Variants in PMFBP1 observed in about 807,000 individuals in gnomAD.
PMFBP1 encodes the protein polyamine modulated factor 1 binding protein 1, also known as polyamine-modulated factor 1-binding protein 1.
In PMFBP1, 131 loss-of-function variants were observed where a neutral mutation model predicts 137.8. That is an observed-to-expected ratio of 0.95 (90% CI 0.82 to 1.10). PMFBP1 has a LOEUF of 1.10. PMFBP1 is among the 50% of genes least tolerant of loss of function. The pLI, the probability that PMFBP1 is intolerant of heterozygous loss-of-function variation, is 0.00. For missense variants in PMFBP1, 1,199 were observed against 1,175.4 expected, an observed-to-expected ratio of 1.02 and a Z score of -0.29; for synonymous variants, 490 against 450.4, an observed-to-expected ratio of 1.09 and a Z score of -1.11.
chr16:72,164,400 C>T (rs2043112124), intron 3 of PMFBP1: 1 of 1,305,070 alleles, frequency 7.7e-7, no homozygotes, highest in Non-Finnish European at 1.0e-6. Flanking sequence ...TTTTTATTTT[C>T]ATGGTTGACT....
rs77683685 is a variant in PMFBP1 at position 72,137,756 on chromosome 16, A to G, written c.919-937T>C. Among the ~76,000 whole-genome samples, 3 of 152,248 alleles carry G rather than the reference A, an allele frequency of 2.0e-5. No homozygotes were observed. The South Asian group carries it at 6.2e-4, about 32-fold the overall frequency. On this transcript the variant is annotated intron_variant, in intron 7 of 20. Transcript: ENST00000237353. The stretch of plus-strand genomic sequence containing the variant: ...GCCTTCCTCACCAAGAGAAGGCAGG[A>G]ACATGTGGCTGGGGAGGAGCAATTC...
the PMFBP1 span, among the ~76,000 whole-genome samples, chr16:72,247,109 A>C: frequency 6.6e-6 from 1 of 152,242 alleles, no homozygotes. Flanking sequence ...AATGCCCTTC[A>C]TTAATGCCAT....
chr16:72,195,665 C>T, the PMFBP1 span, among the ~76,000 whole-genome samples: 4 of 152,376 alleles, frequency 2.6e-5, no homozygotes, highest in African/African-American at 9.6e-5. Context: ...GTAAATACTA[C>T]TACTCTCTTT....
chr16:72,231,758 T>C, the PMFBP1 span, among the ~76,000 whole-genome samples: 1 of 152,118 alleles, frequency 6.6e-6, no homozygotes. Context: ...TGCTGCAAAA[T>C]TTTCTAAGTG....
intron 19 of PMFBP1, among the ~76,000 whole-genome samples, chr16:72,121,272 C>T (rs756747653): frequency 2.0e-5 from 3 of 152,194 alleles, no homozygotes; most frequent in East Asian, 1.9e-4. Flanking sequence ...CCTCTTCCCC[C>T]GCCCAGTAGC....
At chr16:72,215,571 AAG>A in the PMFBP1 span, among the ~76,000 whole-genome samples, 1 of 152,316 alleles carries the variant, frequency 6.6e-6, no homozygotes, top group South Asian at 2.1e-4. Context: ...TATAAAGATG[AAG>A]AGTTTACTTG....
At chr16:72,226,380 T>G in the PMFBP1 span, among the ~76,000 whole-genome samples, 4 of 152,220 alleles carry the variant, frequency 2.6e-5, no homozygotes, top group East Asian at 7.7e-4. Flanking sequence ...GCCCTGGTTC[T>G]GTCAAGGTCC....
chr16:72,190,350 C>T, the PMFBP1 span, among the ~76,000 whole-genome samples: 3 of 152,134 alleles, frequency 2.0e-5, no homozygotes, highest in Non-Finnish European at 2.9e-5. Flanking sequence ...ACAGCCAGCT[C>T]GTGAAGCTAG....
chr16:72,127,989 GGATT>G (rs1359986059), intron 14 of PMFBP1, among the ~76,000 whole-genome samples: 1 of 152,220 alleles, frequency 6.6e-6, no homozygotes, highest in Non-Finnish European at 1.5e-5. Flanking sequence ...AAGATGGAAT[GGATT>G]TAGCTGGAGA....
intron 14 of PMFBP1, among the ~76,000 whole-genome samples, chr16:72,126,644 A>G (rs970645695): frequency 2.0e-5 from 3 of 152,250 alleles, no homozygotes; most frequent in African/African-American, 7.2e-5. Context: ...GAAATGCTCA[A>G]AAATGGTCTT....
At chr16:72,141,309 ATTG>A (rs1233139198) in intron 5 of PMFBP1, among the ~76,000 whole-genome samples, 3 of 152,162 alleles carry the variant, frequency 2.0e-5, no homozygotes, top group Admixed American at 1.3e-4. Context: ...TAGTTTTCAT[ATTG>A]TTACTTGTTG....
the PMFBP1 span, among the ~76,000 whole-genome samples, chr16:72,184,575 C>T: frequency 6.6e-6 from 1 of 152,154 alleles, no homozygotes; most frequent in Non-Finnish European, 1.5e-5. Context: ...AAATGAGAAA[C>T]TAAGGCACAG....
rs752745163 is a variant in PMFBP1 at position 72,120,112 on chromosome 16, G to A, written c.2769-23C>T. The A allele has an allele frequency of 2.4e-5, 39 of 1,613,990 alleles. No homozygotes were observed. In the African/African-American group the frequency reaches 3.9e-4, roughly 16 times the overall value. Reference sequence around the variant, plus strand: ...TGGCTGTGGGAAGGAGAGGAAGGACGGGTTGTGTTGGGGCTGCTGGCTCTG... The same window carrying A: ...TGGCTGTGGGAAGGAGAGGAAGGACAGGTTGTGTTGGGGCTGCTGGCTCTG... On this transcript the variant is annotated intron_variant, in intron 19 of 20. Transcript: ENST00000237353.
At chr16:72,118,031 G>A (rs2042325869), downstream of PMFBP1, among the ~76,000 whole-genome samples, 1 of 152,190 alleles carries the variant, frequency 6.6e-6, no homozygotes. Flanking sequence ...CACAGGAAGT[G>A]AAAGATAACT....
At chr16:72,139,431 T>C (rs1221619179) in intron 6 of PMFBP1, 32 bp from the exon 7 acceptor site, 4 of 1,480,350 alleles carry the variant, frequency 2.7e-6, no homozygotes, top group Non-Finnish European at 3.8e-6. Context: ...TTATGCTGGA[T>C]GATCAATGGA....
the PMFBP1 span, among the ~76,000 whole-genome samples, chr16:72,209,198 A>C: frequency 6.6e-6 from 1 of 152,192 alleles, no homozygotes; most frequent in East Asian, 1.9e-4. Context: ...TGTGTCCAGA[A>C]AGCGACATGC....
chr16:72,194,689 T>C, the PMFBP1 span, among the ~76,000 whole-genome samples: 2 of 152,126 alleles, frequency 1.3e-5, no homozygotes, highest in Admixed American at 1.3e-4. Context: ...AGATGTGAGG[T>C]CACTGTTCAT....
rs369966848 is a variant in PMFBP1 at position 72,119,362 on chromosome 16, A to T, written c.3008-8T>A. The T allele has an allele frequency of 1.2e-6, 2 of 1,614,002 alleles. No homozygotes were observed. The highest frequency in any genetic ancestry group is 1.7e-6 in the Non-Finnish European group (2 of 1,179,986). ...TCTAGCAGTATGAGGAACCTGAGGG[A>T]ACAGGGAGGAAATGAGAGTTTTGAT... On this transcript the variant is annotated splice_polypyrimidine_tract_variant and splice_region_variant and intron_variant, in intron 20 of 20. Transcript: ENST00000237353.
chr16:72,122,890 C>T lies in PMFBP1; in HGVS notation c.2768+24G>A, dbSNP rs372536844. 17 of 1,605,066 alleles carry T rather than the reference C, an allele frequency of 1.1e-5. No homozygotes were observed. In the African/African-American group the frequency reaches 2.0e-4, roughly 19 times the overall value. On this transcript the variant is annotated intron_variant, in intron 19 of 20. Coordinates refer to ENST00000237353, the MANE Select transcript of PMFBP1 (RefSeq NM_031293.3). ...CTTCTTGTCAGCTCCCAGGAAGCAG[C>T]CAGGGTGGTTTAAGATGACTTACTC...
Sources: allele counts gnomAD v4.1 joint callset (sites outside exome capture counted in the v4.1 genomes callset), GRCh38; gene constraint gnomAD v4.1.1; transcripts MANE v1.5; gene names NCBI Gene and HGNC (gene_info 2026-07-23, HGNC 2026-07-21).